XYLT1: variants seen among roughly 807,000 people sequenced by gnomAD.
The protein encoded by XYLT1 is xylosyltransferase 1.
Under a neutral mutation model 91.3 loss-of-function variants are expected in XYLT1, and 36 were observed. The ratio of observed to expected loss-of-function variants is 0.39; its 90% CI spans 0.30 to 0.52. The LOEUF (loss-of-function observed/expected upper bound fraction) is 0.52, where lower values mean the gene tolerates loss of function less well. Among genes scored for constraint, XYLT1 ranks in the 20% least tolerant of loss-of-function variants. The pLI is 0.68. For synonymous variants in XYLT1, 588 were observed against 532.0 expected (o/e 1.11, Z -1.45); for missense variants, 1,242 against 1,284.5 (o/e 0.97, Z 0.51).
At chr16:17,467,919 T>C (rs1433190582) in intron 1 of XYLT1, among the ~76,000 whole-genome samples, 1 of 152,006 alleles carries the variant, frequency 6.6e-6, no homozygotes. Flanking sequence ...ACCACCTCTC[T>C]ACAAGAGCCA....
At chr16:17,468,211 C>T (rs1443139874) in intron 1 of XYLT1, among the ~76,000 whole-genome samples, 1 of 152,042 alleles carries the variant, frequency 6.6e-6, no homozygotes, top group Non-Finnish European at 1.5e-5. Context: ...CTCCAGCCAG[C>T]CTGTCTGTAC....
chr16:17,347,268 C>T (rs2035156923), intron 2 of XYLT1, among the ~76,000 whole-genome samples: 1 of 152,182 alleles, frequency 6.6e-6, no homozygotes, highest in Non-Finnish European at 1.5e-5. Flanking sequence ...TGTCTGTCTG[C>T]TCTGGGGGCT....
chr16:17,204,387 C>T (rs1000414798), intron 3 of XYLT1, among the ~76,000 whole-genome samples: 1 of 147,006 alleles, frequency 6.8e-6, no homozygotes, highest in East Asian at 2.2e-4. Context: ...ATAAAGTCAT[C>T]TTTGGGTCAG....
chr16:17,344,018 C>T (rs983331966), intron 2 of XYLT1, among the ~76,000 whole-genome samples: 3 of 152,140 alleles, frequency 2.0e-5, no homozygotes, highest in Non-Finnish European at 4.4e-5. Flanking sequence ...CTCTGCTACC[C>T]ATACTTGGTT....
chr16:17,361,301 C>T (rs993020734), intron 1 of XYLT1, among the ~76,000 whole-genome samples: 5 of 152,202 alleles, frequency 3.3e-5, no homozygotes, highest in African/African-American at 7.2e-5. Context: ...CAATCTACAG[C>T]GTGCAGCCAC....
rs139275470 is a variant in XYLT1 at position 17,210,303 on chromosome 16, G to A, written c.914-9649C>T. ...TCACAAGGTCAAGAGTTTGAGACCA[G>A]CCTGACCAACATGGTGAAACCCCGT... On this transcript the variant is annotated intron_variant, in intron 3 of 11. Coordinates refer to ENST00000261381, the MANE Select transcript of XYLT1 (RefSeq NM_022166.4). 9.9e-5 allele frequency among the ~76,000 whole-genome samples: 15 copies of A among 152,260 alleles called. No homozygotes were observed. In the East Asian group the frequency reaches 2.9e-3, roughly 29 times the overall value.
At position 17,305,485 on chromosome 16, in the gene XYLT1, G is replaced by A. The variant is rs182759734; in HGVS notation, c.403-45987C>T. ...GGCTGGAGTGCAGTGGTGCGATCTC[G>A]GCTCACTGAAACCTCCGCCTCCTGG... On this transcript the variant is annotated intron_variant, in intron 2 of 11. Coordinates refer to ENST00000261381, the MANE Select transcript of XYLT1 (RefSeq NM_022166.4). Among the ~76,000 whole-genome samples the A allele has an allele frequency of 1.6e-3, 242 of 149,366 alleles. 1 individual carries two copies. Among genetic ancestry groups the A allele is most frequent in the African/African-American group, 5.5e-3 (224 of 40,514 alleles).
At chr16:17,357,247 T>A (rs1050284216) in intron 2 of XYLT1, among the ~76,000 whole-genome samples, 1 of 136,758 alleles carries the variant, frequency 7.3e-6, no homozygotes, top group African/African-American at 2.7e-5. Context: ...TTTATAAACA[T>A]CATTTCCTGT....
Position 17,105,834 on chromosome 16 carries a change from T to A in XYLT1, c.*2861A>T, listed in dbSNP as rs1478524823. 6.6e-6 allele frequency: 1 copy of A among 151,892 alleles called. No individual in the cohort carries two copies. Among genetic ancestry groups the A allele is most frequent in the Admixed American group, 6.6e-5 (1 of 15,256 alleles). 9.4% of individuals were successfully genotyped at this position (151,892 alleles called of 1,614,324 possible). A position where few individuals can be genotyped will look rare whatever the true frequency, so the allele number is the denominator to read the frequency against. On this transcript the variant is annotated 3_prime_UTR_variant, in exon 12 of 12. Coordinates refer to ENST00000261381, the MANE Select transcript of XYLT1 (RefSeq NM_022166.4). ...GGCCTCCAACAAATAAATAAATCAT[T>A]CTCAGGCAGGTTAAAAAAATTATTT...
chr16:17,131,888 C>G (rs2030495812), intron 9 of XYLT1, among the ~76,000 whole-genome samples: 1 of 152,092 alleles, frequency 6.6e-6, no homozygotes, highest in South Asian at 2.1e-4. Flanking sequence ...GATTTATTTT[C>G]AGGCTCCTAT....
At chr16:17,348,642 C>G (rs1319714456) in intron 2 of XYLT1, among the ~76,000 whole-genome samples, 4 of 152,168 alleles carry the variant, frequency 2.6e-5, no homozygotes, top group Admixed American at 2.0e-4. Flanking sequence ...AGAAAACATG[C>G]AATCACCCCT....
intron 2 of XYLT1, among the ~76,000 whole-genome samples, chr16:17,286,674 C>CATCCTCATCATCATT (rs1193036934): frequency 6.6e-6 from 1 of 152,198 alleles, no homozygotes; most frequent in Non-Finnish European, 1.5e-5. Flanking sequence ...TCATCATCAT[C>CATCCTCATCATCATT]ATCCTCATCA....
At chr16:17,219,272 C>G (rs2032916304) in intron 3 of XYLT1, among the ~76,000 whole-genome samples, 1 of 80,396 alleles carries the variant, frequency 1.2e-5, no homozygotes, top group Non-Finnish European at 2.2e-5. Flanking sequence ...CTAAGCAAGA[C>G]TTTGTCTCAA....
At position 17,332,787 on chromosome 16, in the gene XYLT1, C is replaced by T. The variant is rs114359502; in HGVS notation, c.402+25225G>A. Among the ~76,000 whole-genome samples, 594 of 152,242 alleles carry T rather than the reference C, an allele frequency of 3.9e-3. 6 individuals carry two copies. Among genetic ancestry groups the T allele is most frequent in the African/African-American group, 0.014 (570 of 41,544 alleles). On this transcript the variant is annotated intron_variant, in intron 2 of 11. Transcript: ENST00000261381. ...ACTAAACCTCAAGTTCATTCCTAGA[C>T]TGGCCATTTATAGTCATCCAGTAGA... is the stretch of plus-strand genomic sequence containing the variant.
chr16:17,143,135 G>T (rs1028511180), intron 6 of XYLT1, among the ~76,000 whole-genome samples: 5 of 152,176 alleles, frequency 3.3e-5, no homozygotes, highest in African/African-American at 1.2e-4. Flanking sequence ...TGGGCATGTT[G>T]GGAGGGTGGA....
At chr16:17,286,316 A>T (rs1200523535) in intron 2 of XYLT1, among the ~76,000 whole-genome samples, 2 of 152,146 alleles carry the variant, frequency 1.3e-5, no homozygotes, top group East Asian at 3.9e-4. Context: ...GGAGGGAGGT[A>T]TGGAATAAAT....
At chr16:17,113,245 G>A (rs11866144) in intron 11 of XYLT1, among the ~76,000 whole-genome samples, 8,578 of 150,938 alleles carry the variant, frequency 0.057, 795 homozygotes, top group African/African-American at 0.2. Context: ...AGGTTCAAGC[G>A]ATTCTCATGC....
chr16:17,293,150 G>A (rs2034256154), intron 2 of XYLT1, among the ~76,000 whole-genome samples: 1 of 152,186 alleles, frequency 6.6e-6, no homozygotes, highest in South Asian at 2.1e-4. Flanking sequence ...AGAAGATTGG[G>A]AAGTTGATTC....
intron 1 of XYLT1, among the ~76,000 whole-genome samples, chr16:17,387,793 C>G (rs573986052): frequency 6.6e-6 from 1 of 152,328 alleles, no homozygotes; most frequent in South Asian, 2.1e-4. Context: ...ACCACGTAGG[C>G]TGGAAGCTCA....
Sources: gnomAD v4.1 joint callset for allele counts (sites outside exome capture counted in the v4.1 genomes callset) on GRCh38, gnomAD v4.1.1 for gene constraint, MANE v1.5 for transcripts, NCBI Gene and HGNC (gene_info 2026-07-23, HGNC 2026-07-21) for gene names.